Variants in CNTNAP2 observed in about 807,000 individuals in gnomAD.
CNTNAP2 encodes contactin-associated protein-like 2.
CNTNAP2 carries 98 observed loss-of-function variants against 155.2 expected under a neutral mutation model. The observed-to-expected ratio is 0.63, with a 90% CI of 0.54 to 0.75. The LOEUF (loss-of-function observed/expected upper bound fraction) is 0.75, where lower values mean the gene tolerates loss of function less well. Ranked by LOEUF, CNTNAP2 falls within the 30% of genes least tolerant of loss-of-function variation. The probability of loss-of-function intolerance (pLI) is 0.00; values close to 1 mark genes in which losing one functional copy is unlikely to be tolerated. For synonymous variants in CNTNAP2, 651 were observed against 631.2 expected (o/e 1.03, Z -0.47); for missense variants, 1,727 against 1,688.1 (o/e 1.02, Z -0.40).
chr7:147,897,062 C>A (rs938271575), intron 13 of CNTNAP2: 3 of 152,192 alleles, frequency 2.0e-5, no homozygotes, highest in Non-Finnish European at 2.9e-5. Flanking sequence ...GGCTTCTGAG[C>A]ACTCTCTGAA....
At chr7:147,365,409 CAAAG>C (rs1375541439) in intron 9 of CNTNAP2, among the ~76,000 whole-genome samples, 11 of 101,422 alleles carry the variant, frequency 1.1e-4, no homozygotes, top group South Asian at 6.7e-4. Context: ...AAAAAAAAAA[CAAAG>C]AAACTTATAT....
At chr7:146,764,177 A>G (rs1411937873) in intron 1 of CNTNAP2, among the ~76,000 whole-genome samples, 2 of 152,204 alleles carry the variant, frequency 1.3e-5, no homozygotes, top group African/African-American at 2.4e-5. Flanking sequence ...AAGCTTTAAG[A>G]GTACTCAAGT....
At chr7:148,084,769 T>C (rs1017704808) in intron 15 of CNTNAP2, among the ~76,000 whole-genome samples, 2 of 152,216 alleles carry the variant, frequency 1.3e-5, no homozygotes, top group African/African-American at 4.8e-5. Flanking sequence ...GCTCTTATTA[T>C]GATCAAAATA....
chr7:147,765,121 A>G (rs1237720634), intron 13 of CNTNAP2, among the ~76,000 whole-genome samples: 1 of 152,082 alleles, frequency 6.6e-6, no homozygotes, highest in Non-Finnish European at 1.5e-5. Context: ...GTCATGTCAA[A>G]CCTCTGGCTA....
At chr7:147,946,182 ACTTT>A (rs1800817765) in intron 14 of CNTNAP2, among the ~76,000 whole-genome samples, 2 of 152,162 alleles carry the variant, frequency 1.3e-5, no homozygotes, top group African/African-American at 4.8e-5. Context: ...AAGGAAGGCC[ACTTT>A]CTTCAAAATA....
At position 147,990,653 on chromosome 7, in the gene CNTNAP2, T is replaced by A. The variant is rs138648257; in HGVS notation, c.2383+12664T>A. Among the ~76,000 whole-genome samples, 427 of 151,732 alleles carry A rather than the reference T, an allele frequency of 2.8e-3. 3 individuals carry two copies. The highest frequency in any genetic ancestry group is 4.8e-3 in the Non-Finnish European group (327 of 68,014). ...TATGGTCATGCTGACCTTAGCCTGA[T>A]GCCCTTTGGACTTAGGCGATTTTTT... On this transcript the variant is annotated intron_variant, in intron 15 of 23. Coordinates refer to ENST00000361727, the MANE Select transcript of CNTNAP2 (RefSeq NM_014141.6).
At chr7:146,880,286 C>T (rs960264550) in intron 3 of CNTNAP2, among the ~76,000 whole-genome samples, 10 of 151,896 alleles carry the variant, frequency 6.6e-5, no homozygotes, top group Non-Finnish European at 1.2e-4. Flanking sequence ...GATTAGAGCC[C>T]TTATAGAAAG....
intron 15 of CNTNAP2, among the ~76,000 whole-genome samples, chr7:147,978,501 T>C (rs372444838): frequency 1.2e-4 from 18 of 152,286 alleles, no homozygotes; most frequent in Admixed American, 3.3e-4. Context: ...AAAGATTGTT[T>C]CTGTTAACTA....
At chr7:146,195,569 T>A (rs1184345659) in intron 1 of CNTNAP2, among the ~76,000 whole-genome samples, 2 of 152,208 alleles carry the variant, frequency 1.3e-5, no homozygotes, top group East Asian at 3.9e-4. Flanking sequence ...GATTCAGAAA[T>A]GTTTGGAAAA....
At chr7:146,232,090 G>C (rs1799395198) in intron 1 of CNTNAP2, among the ~76,000 whole-genome samples, 2 of 150,826 alleles carry the variant, frequency 1.3e-5, no homozygotes, top group African/African-American at 5.0e-5. Context: ...TCCTAGGAGA[G>C]GTTTTCCATG....
At chr7:147,626,841 C>CTTGAA (rs1228178434) in intron 12 of CNTNAP2, among the ~76,000 whole-genome samples, 1 of 152,196 alleles carries the variant, frequency 6.6e-6, no homozygotes, top group African/African-American at 2.4e-5. Flanking sequence ...GAAAACATCA[C>CTTGAA]TGCTAGCATA....
chr7:147,526,866 A>C (rs1346325124), intron 11 of CNTNAP2, among the ~76,000 whole-genome samples: 1 of 152,052 alleles, frequency 6.6e-6, no homozygotes, highest in South Asian at 2.1e-4. Context: ...ACTTTGGCTT[A>C]ATTTGTACTT....
At chr7:148,239,277 C>G (rs1314296568) in intron 20 of CNTNAP2, among the ~76,000 whole-genome samples, 1 of 152,184 alleles carries the variant, frequency 6.6e-6, no homozygotes. Flanking sequence ...TGTATTAGCA[C>G]TTAACTTTCC....
intron 18 of CNTNAP2, among the ~76,000 whole-genome samples, chr7:148,216,614 C>T (rs1463363256): frequency 2.0e-5 from 3 of 152,142 alleles, no homozygotes; most frequent in African/African-American, 7.2e-5. Context: ...GGTCTGAGTA[C>T]ATGAAATTTT....
At chr7:146,382,442 A>G (rs1430587696) in intron 1 of CNTNAP2, among the ~76,000 whole-genome samples, 1 of 152,192 alleles carries the variant, frequency 6.6e-6, no homozygotes, top group African/African-American at 2.4e-5. Flanking sequence ...AATTTTTGAT[A>G]GAGAAGTTTG....
intron 13 of CNTNAP2, among the ~76,000 whole-genome samples, chr7:147,764,187 G>A (rs1797350515): frequency 6.6e-6 from 1 of 152,090 alleles, no homozygotes; most frequent in Admixed American, 6.6e-5. Context: ...CTCACAGGTG[G>A]TTCTTGGCAC....
chr7:148,110,937 C>T (rs1804335561), intron 15 of CNTNAP2, among the ~76,000 whole-genome samples: 1 of 152,216 alleles, frequency 6.6e-6, no homozygotes, highest in African/African-American at 2.4e-5. Context: ...GAGCAACAGA[C>T]ATATATTCCT....
chr7:146,860,083 T>C (rs1171999787), intron 3 of CNTNAP2, among the ~76,000 whole-genome samples: 1 of 152,150 alleles, frequency 6.6e-6, no homozygotes, highest in East Asian at 1.9e-4. Flanking sequence ...AATACAAAAA[T>C]GTGGTAAGAC....
intron 15 of CNTNAP2, among the ~76,000 whole-genome samples, chr7:148,032,109 T>C (rs781069707): frequency 6.6e-6 from 1 of 152,096 alleles, no homozygotes; most frequent in Non-Finnish European, 1.5e-5. Flanking sequence ...CCTAAACATC[T>C]AACTTAATGC....
Sources: allele counts gnomAD v4.1 joint callset (sites outside exome capture counted in the v4.1 genomes callset), GRCh38; gene constraint gnomAD v4.1.1; transcripts MANE v1.5; gene names NCBI Gene and HGNC (gene_info 2026-07-23, HGNC 2026-07-21).